Variants in NFYC observed in about 807,000 individuals in gnomAD.
NFYC encodes the protein CAAT box DNA-binding protein subunit C.
In NFYC, 25 loss-of-function variants were observed where a neutral mutation model predicts 53.1. That is an observed-to-expected ratio of 0.47 (90% CI 0.34 to 0.66). NFYC has a LOEUF of 0.66. NFYC is among the 30% of genes least tolerant of loss of function. The pLI, the probability that NFYC is intolerant of heterozygous loss-of-function variation, is 0.01. For missense variants in NFYC, 260 were observed against 422.7 expected (o/e 0.62, Z 3.38); for synonymous variants, 145 against 152.6 (o/e 0.95, Z 0.37).
intron 5 of NFYC, chr1:40,757,894 T>G (rs1251515900): frequency 1.7e-6 from 1 of 587,310 alleles, no homozygotes; most frequent in Non-Finnish European, 3.0e-6. Context: ...ATTTCGTACT[T>G]CAGAAATTGG....
chr1:40,754,567 T>A, intron 5 of NFYC: 1 of 384,460 alleles, frequency 2.6e-6, no homozygotes, highest in Non-Finnish European at 5.4e-6. Flanking sequence ...CTCAGGCCAT[T>A]TATCTTCCTT....
At chr1:40,735,610 C>T (rs771465735) in intron 1 of NFYC, 53 of 985,416 alleles carry the variant, frequency 5.4e-5, no homozygotes, top group South Asian at 1.4e-4. Context: ...GGTCTTTGTA[C>T]TCCAACTAAA....
intron 1 of NFYC, among the ~76,000 whole-genome samples, chr1:40,719,037 A>T (rs554674033): frequency 6.6e-6 from 1 of 152,144 alleles, no homozygotes; most frequent in East Asian, 1.9e-4. Flanking sequence ...ACGCCCAGCT[A>T]ATTTTTGTAT....
intron 1 of NFYC, among the ~76,000 whole-genome samples, chr1:40,713,965 A>G (rs938210612): frequency 3.9e-5 from 6 of 152,212 alleles, no homozygotes; most frequent in African/African-American, 1.4e-4. Flanking sequence ...ATCTGAAGAT[A>G]CCTTGCCTCA....
At chr1:40,728,914 A>G (rs1354494084) in intron 1 of NFYC, among the ~76,000 whole-genome samples, 1 of 152,242 alleles carries the variant, frequency 6.6e-6, no homozygotes, top group Non-Finnish European at 1.5e-5. Flanking sequence ...TTGGGATTAC[A>G]GGCGTGAGCC....
intron 5 of NFYC, 97 bp downstream of exon 5, chr1:40,753,343 ATTCCT>A: frequency 1.3e-6 from 1 of 784,614 alleles, no homozygotes; most frequent in South Asian, 1.6e-5. Flanking sequence ...GTCATTTGCT[ATTCCT>A]TTTGCTTCTC....
At chr1:40,734,135 C>T (rs1208581567) in intron 1 of NFYC, among the ~76,000 whole-genome samples, 1 of 152,106 alleles carries the variant, frequency 6.6e-6, no homozygotes, top group African/African-American at 2.4e-5. Context: ...CCTGTCTCAG[C>T]CTCCGGAGTT....
intron 9 of NFYC, among the ~76,000 whole-genome samples, chr1:40,769,705 C>G (rs1218285013): frequency 1.3e-5 from 2 of 152,140 alleles, no homozygotes; most frequent in Admixed American, 6.5e-5. Context: ...CCTAGATGTT[C>G]ATTGCAGAGC....
intron 8 of NFYC, among the ~76,000 whole-genome samples, chr1:40,767,556 C>G (rs1408488089): frequency 2.6e-5 from 4 of 152,168 alleles, no homozygotes; most frequent in African/African-American, 9.7e-5. Flanking sequence ...TTTTCCGTAG[C>G]TGATACTGAC....
intron 1 of NFYC, among the ~76,000 whole-genome samples, chr1:40,738,417 T>TG (rs1214441027): frequency 3.3e-5 from 5 of 152,220 alleles, no homozygotes; most frequent in Non-Finnish European, 5.9e-5. Context: ...TGCTGAAGGC[T>TG]GTGGCATGGA....
At chr1:40,754,345 C>T (rs377051852) in intron 5 of NFYC, 5 of 534,422 alleles carry the variant, frequency 9.4e-6, no homozygotes, top group Admixed American at 5.8e-5. Flanking sequence ...ACTGCGTCTC[C>T]GTTCTTTCTG....
chr1:40,705,279 A>G (rs1017987743), intron 1 of NFYC, among the ~76,000 whole-genome samples: 1 of 151,924 alleles, frequency 6.6e-6, no homozygotes, highest in Non-Finnish European at 1.5e-5. Context: ...TGTTCTCCCT[A>G]TTCTTCTGCT....
intron 1 of NFYC, among the ~76,000 whole-genome samples, chr1:40,738,047 C>T (rs1302124954): frequency 5.3e-5 from 8 of 151,238 alleles, no homozygotes; most frequent in South Asian, 2.1e-4. Context: ...GGACTACAGG[C>T]GCCCGCCACT....
chr1:40,718,397 G>A (rs1156960135), intron 1 of NFYC, among the ~76,000 whole-genome samples: 2 of 152,050 alleles, frequency 1.3e-5, no homozygotes, highest in South Asian at 2.1e-4. Flanking sequence ...GTCCATCTTC[G>A]GGGACTAATT....
At chr1:40,697,443 T>C (rs1643209226) in intron 1 of NFYC, among the ~76,000 whole-genome samples, 1 of 152,250 alleles carries the variant, frequency 6.6e-6, no homozygotes, top group African/African-American at 2.4e-5. Context: ...TACTTTTGAA[T>C]GCACAAAGTA....
intron 2 of NFYC, among the ~76,000 whole-genome samples, chr1:40,741,773 T>G (rs1645359925): frequency 6.6e-6 from 1 of 151,898 alleles, no homozygotes; most frequent in African/African-American, 2.4e-5. Context: ...CAGCTAATTT[T>G]TGTATTTTTC....
At chr1:40,743,711 C>G (rs1645466876) in intron 2 of NFYC, among the ~76,000 whole-genome samples, 1 of 152,194 alleles carries the variant, frequency 6.6e-6, no homozygotes, top group African/African-American at 2.4e-5. Flanking sequence ...TGGACTGTTA[C>G]AAAACAGGTC....
intron 4 of NFYC, among the ~76,000 whole-genome samples, chr1:40,752,944 A>C (rs1050086326): frequency 1.2e-4 from 18 of 152,082 alleles, no homozygotes. Context: ...TGTGAGTTAC[A>C]TGTATCTCTT....
chr1:40,724,344 G>T (rs1644431435), intron 1 of NFYC, among the ~76,000 whole-genome samples: 1 of 152,152 alleles, frequency 6.6e-6, no homozygotes, highest in South Asian at 2.1e-4. Flanking sequence ...CTCCAGCCTG[G>T]ATGACAGACT....
Sources: gnomAD v4.1 joint callset for allele counts (sites outside exome capture counted in the v4.1 genomes callset) on GRCh38, gnomAD v4.1.1 for gene constraint, MANE v1.5 for transcripts, NCBI Gene and HGNC (gene_info 2026-07-23, HGNC 2026-07-21) for gene names.